Variants in OR4K13 observed in about 807,000 individuals in gnomAD.
OR4K13 encodes olfactory receptor 4K13.
For synonymous variants in OR4K13, 160 were observed against 134.8 expected, an observed-to-expected ratio of 1.19 and a Z score of -1.30; for missense variants, 403 against 366.0, an observed-to-expected ratio of 1.10 and a Z score of -0.82.
rs1877475047 is a variant in OR4K13, at chr14:20,033,602, A to C, written c.*242T>G. ...ATTATGTGTTTGACCATAAAAGATCACAAAAAGGTGTTTGCTTTTTAACAA... is the reference window on the plus strand; with the variant it reads ...ATTATGTGTTTGACCATAAAAGATCCCAAAAAGGTGTTTGCTTTTTAACAA... On this transcript the variant is annotated 3_prime_UTR_variant, in exon 2 of 2. Coordinates refer to ENST00000641904, the MANE Select transcript of OR4K13 (RefSeq NM_001004714.2). The C allele has an allele frequency of 3.2e-6, 1 of 314,468 alleles. No individual in the cohort carries two copies. The highest frequency in any genetic ancestry group is 6.8e-5 in the East Asian group (1 of 14,688). The allele number at this position is 314,468 out of a possible 1,614,324, so 19.5% of individuals were successfully genotyped here.
In OR4K13 at chr14:20,034,056, T is replaced by G. The variant is rs780838493; in HGVS notation, c.703A>C (p.Lys235Gln). The G allele has an allele frequency of 1.2e-6, 2 of 1,613,906 alleles. No homozygotes were observed. Among genetic ancestry groups the G allele is most frequent in the Non-Finnish European group, 8.5e-7 (1 of 1,179,980 alleles). Residue 235 changes from lysine (K) to glutamine (Q), a missense_variant, in exon 2 of 2, where the codon AAG becomes CAG. Physicochemically the swap from Lys to Gln is moderately conservative, Grantham distance 53. Coordinates refer to ENST00000641904, the MANE Select transcript of OR4K13 (RefSeq NM_001004714.2). ...TGAGCTGAGAGAGTGGAGAAAGCCT[T>G]AGAGGATCGACTAGCAGCACGGTAC... ...VRYRAASRSS[K>Q]AFSTLSAHIT...
rs951422787 is a variant in OR4K13 at position 20,029,781 on chromosome 14, A to T, written c.*4063T>A. ...TCTACCAAAAATACAAAAATTAGCCAGGAATGGTGGCACACACCTGCAATC... is the reference window on the plus strand; with the variant it reads ...TCTACCAAAAATACAAAAATTAGCCTGGAATGGTGGCACACACCTGCAATC... On this transcript the variant is annotated 3_prime_UTR_variant, in exon 2 of 2. Coordinates refer to ENST00000641904, the MANE Select transcript of OR4K13 (RefSeq NM_001004714.2). The T allele has an allele frequency of 4.6e-5, 7 of 152,018 alleles. No homozygotes were observed. The highest frequency in any genetic ancestry group is 7.2e-5 in the African/African-American group (3 of 41,394). The allele number at this position is 152,018 out of a possible 1,614,324, so 9.4% of individuals were successfully genotyped here.
rs762759549 is a variant in OR4K13, at chr14:20,032,389, G to C, written c.*1455C>G. 6.6e-6 allele frequency: 1 copy of C among 152,150 alleles called. No individual in the cohort carries two copies. Among genetic ancestry groups the C allele is most frequent in the South Asian group, 2.1e-4 (1 of 4,828 alleles). The allele number at this position is 152,150 out of a possible 1,614,324, so 9.4% of individuals were successfully genotyped here. On this transcript the variant is annotated 3_prime_UTR_variant, in exon 2 of 2. Coordinates refer to ENST00000641904, the MANE Select transcript of OR4K13 (RefSeq NM_001004714.2). ...ACAAAATGTTTTCTCCATAAAATTGGTTGCTCAGTATGAAACAACTAAGGC... is the reference window on the plus strand; with the variant it reads ...ACAAAATGTTTTCTCCATAAAATTGCTTGCTCAGTATGAAACAACTAAGGC...
chr14:20,034,472 C>T lies in OR4K13; in HGVS notation c.287G>A (p.Gly96Glu), dbSNP rs1263945254. The T allele has an allele frequency of 1.9e-6, 3 of 1,613,878 alleles. No individual in the cohort carries two copies. The highest frequency in any genetic ancestry group is 2.2e-5 in the South Asian group (2 of 91,044). The stretch of plus-strand genomic sequence containing the variant: ...CATAAAGAACATCTGGGAATAACAT[C>T]CCCACCATGAGATGGTCTTACGTTC... ...LRERKTISWW[G>E]CYSQMFFMHL... Residue 96 changes from glycine (G) to glutamate (E), a missense_variant, in exon 2 of 2, where the codon GGA (glycine) becomes GAA (glutamate). By Grantham distance (98) the Gly-to-Glu change is moderately conservative. Transcript: ENST00000641904.
chr14:20,031,179 A>G lies in OR4K13; in HGVS notation c.*2665T>C, dbSNP rs188134475. The G allele has an allele frequency of 6.6e-6, 1 of 152,296 alleles. No individual in the cohort carries two copies. Among genetic ancestry groups the G allele is most frequent in the African/African-American group, 2.4e-5 (1 of 41,562 alleles). 9.4% of individuals were successfully genotyped at this position (152,296 alleles called of 1,614,324 possible). On this transcript the variant is annotated 3_prime_UTR_variant, in exon 2 of 2. Transcript: ENST00000641904. ...GTGCCTCGGCTCCTCTGAAACAGCA[A>G]TACTGTAAAACGCCGAGAACCTCAT...
rs892103454 is a variant in OR4K13 at position 20,032,705 on chromosome 14, A to T, written c.*1139T>A. 6.6e-6 allele frequency: 1 copy of T among 152,212 alleles called. No homozygotes were observed. The highest frequency in any genetic ancestry group is 1.5e-5 in the Non-Finnish European group (1 of 68,050). 9.4% of individuals were successfully genotyped at this position (152,212 alleles called of 1,614,324 possible). On this transcript the variant is annotated 3_prime_UTR_variant, in exon 2 of 2. Transcript: ENST00000641904. ...AACAGAGCTAAGAAGGGGGAGATAA[A>T]CTTGGAATAGAAGCAGTACAATGTA... is the stretch of plus-strand genomic sequence containing the variant.
Position 20,034,730 on chromosome 14 carries a change from G to A in OR4K13, c.29C>T (p.Ser10Leu), listed in dbSNP as rs369451100. The change falls in exon 2 of 2, where the codon TCG becomes TTG. Residue 10 changes from serine to leucine, a missense_variant. Ser to Leu is a moderately radical substitution (Grantham distance 145). Transcript: ENST00000641904. ...GGAAAGTCCCAACAAAATAAATTCC[G>A]ATACCACTGAATGGTTTGCTCTTTC... MERANHSVV[S>L]EFILLGLSKS... is the part of the protein sequence containing the mutation. 70 of 1,610,412 alleles carry A rather than the reference G, an allele frequency of 4.3e-5. 1 individual carries two copies. Among genetic ancestry groups the A allele is most frequent in the African/African-American group, 4.2e-4 (31 of 74,454 alleles).
rs748732870 is a variant in OR4K13, at chr14:20,034,242, C to T, written c.517G>A (p.Val173Ile). Residue 173 changes from valine to isoleucine, a missense_variant, in exon 2 of 2, where the codon GTT (valine) becomes ATT (isoleucine). Val to Ile is a conservative substitution (Grantham distance 29). Coordinates refer to ENST00000641904, the MANE Select transcript of OR4K13 (RefSeq NM_001004714.2). ...MLTLPFCGPN[V>I]IDSFFCDLPL... is the part of the protein sequence containing the mutation. ...AGGTCACAGAAAAAGCTGTCTATAA[C>T]ATTGGGACCACAGAAGGGCAAAGTC... The T allele has an allele frequency of 1.2e-6, 2 of 1,614,142 alleles. No homozygotes were observed. Among genetic ancestry groups the T allele is most frequent in the East Asian group, 4.5e-5 (2 of 44,872 alleles).
In OR4K13 at chr14:20,030,400, A is replaced by T. The variant is rs1877388062; in HGVS notation, c.*3444T>A. 1 of 152,136 alleles carries T rather than the reference A, an allele frequency of 6.6e-6. No homozygotes were observed. The highest frequency in any genetic ancestry group is 1.5e-5 in the Non-Finnish European group (1 of 68,018). 9.4% of individuals were successfully genotyped at this position (152,136 alleles called of 1,614,324 possible). On this transcript the variant is annotated 3_prime_UTR_variant, in exon 2 of 2. Transcript: ENST00000641904. ...AAAATAAATTGCTATAAAAGCTCAC[A>T]AAACCATACACTAAAGAGTCATTTT...
chr14:20,032,044 G>A lies in OR4K13; in HGVS notation c.*1800C>T, dbSNP rs79068708. The A allele has an allele frequency of 9.1e-3, 1,386 of 152,520 alleles. 20 individuals carry two copies. Among genetic ancestry groups the A allele is most frequent in the African/African-American group, 0.028 (1,181 of 41,606 alleles). The allele number at this position is 152,520 out of a possible 1,614,324, so 9.4% of individuals were successfully genotyped here. A position where few individuals can be genotyped will look rare whatever the true frequency, so the allele number is the denominator to read the frequency against. ...TGTTTTGTTCTGAAGGTTATCTTGA[G>A]TGATGGTCTGTCCTGAGGCCTGATT... On this transcript the variant is annotated 3_prime_UTR_variant, in exon 2 of 2. Transcript: ENST00000641904.
chr14:20,034,808 G>A lies in OR4K13; in HGVS notation c.-50C>T, dbSNP rs1197889587. 2.2e-6 allele frequency: 3 copies of A among 1,389,452 alleles called. No homozygotes were observed. The highest frequency in any genetic ancestry group is 3.0e-6 in the Non-Finnish European group (3 of 1,015,448). The allele number at this position is 1,389,452 out of a possible 1,614,324, so 86.1% of individuals were successfully genotyped here. A position where few individuals can be genotyped will look rare whatever the true frequency, so the allele number is the denominator to read the frequency against. On this transcript the variant is annotated 5_prime_UTR_variant, in exon 2 of 2. Transcript: ENST00000641904. ...TCAAAATAAGTGAGAATAAGGGGTA[G>A]GGAAATGATGCATATTGGAAAGAAA...
At chr14:20,035,788 C>A (rs1463988915) in intron 1 of OR4K13, 150 bp downstream of exon 1, 1 of 151,986 alleles carries the variant, frequency 6.6e-6, no homozygotes, top group Non-Finnish European at 1.5e-5. Context: ...AATTTGTCAT[C>A]GGCTCATGCT....
rs1222485330 is a variant in OR4K13 at position 20,034,694 on chromosome 14, T to C, written c.65A>G (p.Asn22Ser). The change falls in exon 2 of 2, where the codon AAT becomes AGT. Residue 22 changes from asparagine to serine, a missense_variant. Transcript: ENST00000641904. ...TCCCAAGAAGAATAAAATCTGAAGATTTTGAGATTTGGAAAGTCCCAACAA... is the reference window on the plus strand; with the variant it reads ...TCCCAAGAAGAATAAAATCTGAAGACTTTGAGATTTGGAAAGTCCCAACAA... ...FILLGLSKSQNLQILFFLGFS... is the reference protein window; with the variant it reads ...FILLGLSKSQSLQILFFLGFS... 6.2e-7 allele frequency: 1 copy of C among 1,612,702 alleles called. No homozygotes were observed. Among genetic ancestry groups the C allele is most frequent in the African/African-American group, 1.3e-5 (1 of 74,674 alleles).
rs1057126299 is a variant in OR4K13, at chr14:20,030,467, T to A, written c.*3377A>T. 3.3e-5 allele frequency: 5 copies of A among 152,192 alleles called. No homozygotes were observed. Among genetic ancestry groups the A allele is most frequent in the African/African-American group, 9.6e-5 (4 of 41,454 alleles). The allele number at this position is 152,192 out of a possible 1,614,324, so 9.4% of individuals were successfully genotyped here. ...TACTTGAAAAATGAAACAAAAAGCT[T>A]AATATTTGTACTATGAATTGATTGT... On this transcript the variant is annotated 3_prime_UTR_variant, in exon 2 of 2. Transcript: ENST00000641904.
In OR4K13 at chr14:20,033,472, T is replaced by G. The variant is rs536994397; in HGVS notation, c.*372A>C. 42 of 168,804 alleles carry G rather than the reference T, an allele frequency of 2.5e-4. No individual in the cohort carries two copies. The highest frequency in any genetic ancestry group is 1.0e-3 in the African/African-American group (42 of 41,704). 10.5% of individuals were successfully genotyped at this position (168,804 alleles called of 1,614,324 possible). Reference sequence around the variant, plus strand: ...AAAGATGCATATAAACAAGGTTGTATAGACGAAAAAACTAAATCACAGGGA... The same window carrying G: ...AAAGATGCATATAAACAAGGTTGTAGAGACGAAAAAACTAAATCACAGGGA... On this transcript the variant is annotated 3_prime_UTR_variant, in exon 2 of 2. Transcript: ENST00000641904.
chr14:20,034,230 A>C lies in OR4K13; in HGVS notation c.529T>G (p.Phe177Val), dbSNP rs142233028. Reference protein sequence around the residue: ...PFCGPNVIDSFFCDLPLVIKL... With the variant: ...PFCGPNVIDSVFCDLPLVIKL... Reference sequence around the variant, plus strand: ...ATCACAAGGGGAAGGTCACAGAAAAAGCTGTCTATAACATTGGGACCACAG... The same window carrying C: ...ATCACAAGGGGAAGGTCACAGAAAACGCTGTCTATAACATTGGGACCACAG... Residue 177 changes from phenylalanine to valine, a missense_variant, in exon 2 of 2, where the codon TTT becomes GTT. Phe to Val is a conservative substitution (Grantham distance 50). Transcript: ENST00000641904. The C allele has an allele frequency of 5.0e-6, 8 of 1,614,042 alleles. No homozygotes were observed. The Admixed American group carries it at 8.3e-5, about 17-fold the overall frequency.
chr14:20,034,064 C>T lies in OR4K13; in HGVS notation c.695G>A (p.Arg232Gln), dbSNP rs1267681977. The T allele has an allele frequency of 3.1e-6, 5 of 1,613,980 alleles. No homozygotes were observed. Among genetic ancestry groups the T allele is most frequent in the East Asian group, 2.2e-5 (1 of 44,864 alleles). ...GAGAGTGGAGAAAGCCTTAGAGGAT[C>T]GACTAGCAGCACGGTACCTAACTGA... Reference protein sequence around the residue: ...IFSVRYRAASRSSKAFSTLSA... With the variant: ...IFSVRYRAASQSSKAFSTLSA... Residue 232 changes from arginine (R) to glutamine (Q), a missense_variant, in exon 2 of 2, where the codon CGA becomes CAA. Transcript: ENST00000641904.
At position 20,029,532 on chromosome 14, in the gene OR4K13, A is replaced by G. The variant is rs1362768115; in HGVS notation, c.*4312T>C. ...TATAGTGTTCATATTATTTGGTAAAATCACACTAGTTAACGTAAATGAAGA... is the reference window on the plus strand; with the variant it reads ...TATAGTGTTCATATTATTTGGTAAAGTCACACTAGTTAACGTAAATGAAGA... On this transcript the variant is annotated 3_prime_UTR_variant, in exon 2 of 2. Transcript: ENST00000641904. The G allele has an allele frequency of 6.6e-6, 1 of 152,290 alleles. No homozygotes were observed. The highest frequency in any genetic ancestry group is 1.5e-5 in the Non-Finnish European group (1 of 68,004). The allele number at this position is 152,290 out of a possible 1,614,324, so 9.4% of individuals were successfully genotyped here.
In OR4K13 at chr14:20,031,487, A is replaced by C. The variant is rs2138671388; in HGVS notation, c.*2357T>G. The C allele has an allele frequency of 6.6e-6, 1 of 152,330 alleles. No homozygotes were observed. The highest frequency in any genetic ancestry group is 2.4e-5 in the African/African-American group (1 of 41,570). The allele number at this position is 152,330 out of a possible 1,614,324, so 9.4% of individuals were successfully genotyped here. A position where few individuals can be genotyped will look rare whatever the true frequency, so the allele number is the denominator to read the frequency against. ...GCTAAATTATTTGGGAAAAATATTG[A>C]GTAGTTAGTAGCTTTCTCTGGCATA... On this transcript the variant is annotated 3_prime_UTR_variant, in exon 2 of 2. Coordinates refer to ENST00000641904, the MANE Select transcript of OR4K13 (RefSeq NM_001004714.2).
Sources: gnomAD v4.1 joint callset for allele counts on GRCh38, gnomAD v4.1.1 for gene constraint, MANE v1.5 for transcripts, NCBI Gene and HGNC (gene_info 2026-07-23, HGNC 2026-07-21) for gene names.